The following ESPNL variants were observed in gnomAD, a reference collection of about 807,000 sequenced individuals.
ESPNL encodes the protein espin like.
ESPNL carries 49 observed loss-of-function variants against 46.8 expected under a neutral mutation model. That is an observed-to-expected ratio of 1.05 (90% CI 0.83 to 1.33). The LOEUF (loss-of-function observed/expected upper bound fraction) is 1.33. ESPNL is among the 40% of genes most tolerant of loss of function. The probability of loss-of-function intolerance (pLI) is 0.00; values close to 1 mark genes in which losing one functional copy is unlikely to be tolerated. For synonymous variants in ESPNL, 664 were observed against 662.1 expected (o/e 1.00, Z -0.04); for missense variants, 1,540 against 1,436.6 (o/e 1.07, Z -1.16).
chr2:238,118,679 A>AATGGATGGAG (rs1691888778), intron 5 of ESPNL, among the ~76,000 whole-genome samples: 1 of 76,556 alleles, frequency 1.3e-5, no homozygotes, highest in Non-Finnish European at 2.6e-5. Context: ...ATGGAGGAGG[A>AATGGATGGAG]GAGATGGAGG....
chr2:238,113,804 C>T (rs904966790), intron 4 of ESPNL, among the ~76,000 whole-genome samples: 2 of 152,190 alleles, frequency 1.3e-5, no homozygotes, highest in African/African-American at 2.4e-5. Context: ...GGAACCCGCA[C>T]GGTTCCTGGC....
intron 6 of ESPNL, 125 bp downstream of exon 6, chr2:238,125,509 C>T: frequency 2.1e-6 from 1 of 482,042 alleles, no homozygotes; most frequent in Non-Finnish European, 3.7e-6. Context: ...CATCACCCTC[C>T]CTCCCCAGTT....
At position 238,104,714 on chromosome 2, in the gene ESPNL, G is replaced by T. The variant is rs1370204943; in HGVS notation, c.544G>T (p.Gly182Cys). 10 of 1,607,720 alleles carry T rather than the reference G, an allele frequency of 6.2e-6. No individual in the cohort carries two copies. The highest frequency in any genetic ancestry group is 8.5e-6 in the Non-Finnish European group (10 of 1,178,222). ...ASPLYLACQEGHLHLAQFLVK... is the reference protein window; with the variant it reads ...ASPLYLACQECHLHLAQFLVK... ...CCCACTCTACCTGGCCTGCCAGGAG[G>T]GCCACCTGCACCTGGCCCAGTTCCT... Residue 182 changes from glycine (G) to cysteine (C), a missense_variant, in exon 3 of 9, where the codon GGC becomes TGC. Coordinates refer to ENST00000343063, the MANE Select transcript of ESPNL (RefSeq NM_194312.4).
chr2:238,127,129 CTG>C (rs1559267276), intron 6 of ESPNL, among the ~76,000 whole-genome samples: 1 of 75,110 alleles, frequency 1.3e-5, no homozygotes, highest in African/African-American at 8.0e-5. Context: ...GTGTCTGTGT[CTG>C]TGTGATTGTG....
chr2:238,129,450 G>T (rs1384521750), intron 8 of ESPNL, among the ~76,000 whole-genome samples: 2 of 152,188 alleles, frequency 1.3e-5, no homozygotes, highest in African/African-American at 2.4e-5. Context: ...GCTGGCCGGG[G>T]GAGGAGCAGG....
intron 5 of ESPNL, among the ~76,000 whole-genome samples, chr2:238,123,362 C>T (rs940502382): frequency 1.3e-4 from 20 of 152,188 alleles, no homozygotes; most frequent in Admixed American, 7.8e-4. Context: ...CCCGGCTCTG[C>T]GGCAGCCCGG....
chr2:238,108,003 G>A lies in ESPNL; in HGVS notation c.855+30G>A, dbSNP rs115500136. The A allele has an allele frequency of 8.5e-5, 134 of 1,585,214 alleles. 2 individuals carry two copies. In the African/African-American group the frequency reaches 1.7e-3, roughly 20 times the overall value. On this transcript the variant is annotated intron_variant, in intron 4 of 8. Coordinates refer to ENST00000343063, the MANE Select transcript of ESPNL (RefSeq NM_194312.4). ...GGTGGGCGTGAGGGAGACAGGGTGAGCAGTCACAAGTGCCAGCCATGCCCA... is the reference window on the plus strand; with the variant it reads ...GGTGGGCGTGAGGGAGACAGGGTGAACAGTCACAAGTGCCAGCCATGCCCA...
chr2:238,124,504 A>G (rs62197366), intron 5 of ESPNL, among the ~76,000 whole-genome samples: 98,234 of 151,936 alleles, frequency 0.65, 31,846 homozygotes, highest in Middle Eastern at 0.67. Flanking sequence ...GGCGGACCAC[A>G]GCACAGGAGT....
intron 5 of ESPNL, among the ~76,000 whole-genome samples, chr2:238,123,351 T>C (rs1241617172): frequency 6.6e-6 from 1 of 152,166 alleles, no homozygotes; most frequent in East Asian, 1.9e-4. Context: ...GAGACTCTCA[T>C]CCCGGCTCTG....
chr2:238,131,212 C>T lies in ESPNL; in HGVS notation c.2498C>T (p.Ala833Val), dbSNP rs1692323701. Residue 833 changes from alanine (A) to valine (V), a missense_variant, in exon 9 of 9, where the codon GCT (alanine) becomes GTT (valine). Coordinates refer to ENST00000343063, the MANE Select transcript of ESPNL (RefSeq NM_194312.4). ...LRRLSRQPRGALSPEQFLPHV... is the reference protein window; with the variant it reads ...LRRLSRQPRGVLSPEQFLPHV... ...CGGCTGAGCCGGCAGCCCCGCGGGG[C>T]TTTGTCCCCCGAGCAGTTCCTGCCC... is the stretch of plus-strand genomic sequence containing the variant. 4 of 1,548,778 alleles carry T rather than the reference C, an allele frequency of 2.6e-6. No individual in the cohort carries two copies. The highest frequency in any genetic ancestry group is 2.4e-5 in the East Asian group (1 of 41,260).
chr2:238,107,371 C>CAAAGGGGCTCAGTGCAAATGCCCAACGAG (rs930743512), intron 3 of ESPNL, among the ~76,000 whole-genome samples: 4 of 152,204 alleles, frequency 2.6e-5, no homozygotes, highest in African/African-American at 9.6e-5. Flanking sequence ...GCTGCTCCAG[C>CAAAGGGGCTCAGTGCAAATGCCCAACGAG]AAAGGGGCTC....
Position 238,128,822 on chromosome 2 carries a change from A to G in ESPNL, c.1331A>G (p.Gln444Arg), listed in dbSNP as rs1365247116. The G allele has an allele frequency of 1.9e-6, 3 of 1,550,896 alleles. No homozygotes were observed. The highest frequency in any genetic ancestry group is 4.9e-5 in the East Asian group (2 of 41,004). ...GTGCCCACGCGGGATGAGCGCGGCC[A>G]GCCCATCCCAGAGTGGAAGCGGCAG... is the stretch of plus-strand genomic sequence containing the variant. ...GLVPTRDERGQPIPEWKRQVM... is the reference protein window; with the variant it reads ...GLVPTRDERGRPIPEWKRQVM... Residue 444 changes from glutamine to arginine, a missense_variant, in exon 8 of 9, where the codon CAG becomes CGG. Transcript: ENST00000343063.
chr2:238,126,758 GTC>G (rs1692131536), intron 6 of ESPNL, among the ~76,000 whole-genome samples: 1 of 151,826 alleles, frequency 6.6e-6, no homozygotes, highest in South Asian at 2.1e-4. Flanking sequence ...CTGTGATTGT[GTC>G]TGTGTATCTG....
At chr2:238,107,626 G>A (rs969269498) in intron 3 of ESPNL, among the ~76,000 whole-genome samples, 165 bp from the exon 4 acceptor site, 4 of 152,142 alleles carry the variant, frequency 2.6e-5, no homozygotes, top group African/African-American at 4.8e-5. Flanking sequence ...CCAGGGTGAC[G>A]GGGACGCACG....
At chr2:238,123,440 C>T (rs755992478) in intron 5 of ESPNL, among the ~76,000 whole-genome samples, 4 of 152,130 alleles carry the variant, frequency 2.6e-5, no homozygotes, top group African/African-American at 9.7e-5. Flanking sequence ...CCCTGGGGGC[C>T]GTACCGTAGG....
chr2:238,125,633 G>A (rs1692088576), intron 6 of ESPNL, among the ~76,000 whole-genome samples: 1 of 152,264 alleles, frequency 6.6e-6, no homozygotes, highest in South Asian at 2.1e-4. Context: ...CGGGGAGACG[G>A]GCCGGTTGGG....
At chr2:238,123,146 C>T (rs573097762) in intron 5 of ESPNL, among the ~76,000 whole-genome samples, 3 of 152,314 alleles carry the variant, frequency 2.0e-5, no homozygotes, top group South Asian at 2.1e-4. Flanking sequence ...GGGAACACGC[C>T]GTTGCTCAGC....
intron 3 of ESPNL, among the ~76,000 whole-genome samples, chr2:238,106,375 C>A (rs1378968389): frequency 6.6e-6 from 1 of 152,156 alleles, no homozygotes; most frequent in South Asian, 2.1e-4. Context: ...GCCTGCTCCC[C>A]GTGGCCCCAA....
chr2:238,111,287 TA>T (rs1418384780), intron 4 of ESPNL, among the ~76,000 whole-genome samples: 1 of 152,144 alleles, frequency 6.6e-6, no homozygotes, highest in East Asian at 1.9e-4. Context: ...AAATTGTGAT[TA>T]AAAAATACGT....
Sources: gnomAD v4.1 joint callset for allele counts (sites outside exome capture counted in the v4.1 genomes callset) on GRCh38, gnomAD v4.1.1 for gene constraint, MANE v1.5 for transcripts, NCBI Gene and HGNC (gene_info 2026-07-23, HGNC 2026-07-21) for gene names.